The following BABAM2 variants were observed in gnomAD, a reference collection of about 807,000 sequenced individuals.
The protein encoded by BABAM2 is BRISC and BRCA1 A complex member 2.
BABAM2 carries 31 observed loss-of-function variants against 54.7 expected under a neutral mutation model. The observed-to-expected ratio is 0.57, with a 90% CI of 0.43 to 0.77. BABAM2 has a LOEUF of 0.77. BABAM2 is among the 30% of genes least tolerant of loss of function. The probability of loss-of-function intolerance (pLI) is 0.00; values close to 1 mark genes in which losing one functional copy is unlikely to be tolerated. For synonymous variants in BABAM2, 167 were observed against 162.9 expected (o/e 1.03, Z -0.19); for missense variants, 364 against 455.8 (o/e 0.80, Z 1.83).
At chr2:28,136,559 G>A (rs1265839401) in intron 7 of BABAM2, among the ~76,000 whole-genome samples, 4 of 152,228 alleles carry the variant, frequency 2.6e-5, no homozygotes, top group African/African-American at 9.6e-5. Context: ...GCTGTGCCTT[G>A]TGGCTAGCCA....
intron 11 of BABAM2, among the ~76,000 whole-genome samples, chr2:28,336,132 CAT>C (rs1027665973): frequency 6.6e-6 from 1 of 152,130 alleles, no homozygotes; most frequent in African/African-American, 2.4e-5. Flanking sequence ...TAGCTGCAAA[CAT>C]AGGCAAAGGA....
rs555496260 is a variant in BABAM2 at position 28,330,037 on chromosome 2, T to C, written c.1089-8413T>C. Among the ~76,000 whole-genome samples, 45 of 152,298 alleles carry C rather than the reference T, an allele frequency of 3.0e-4. 1 individual carries two copies. The highest frequency in any genetic ancestry group is 1.0e-3 in the African/African-American group (43 of 41,558). On this transcript the variant is annotated intron_variant, in intron 11 of 11. Transcript: ENST00000379624. ...GCAAGGCTGGTTCAACATATGCAAA[T>C]CAGTAAATGTAATTCATCACATAAA... is the stretch of plus-strand genomic sequence containing the variant.
chr2:28,011,980 G>A (rs1305674399), intron 4 of BABAM2, among the ~76,000 whole-genome samples: 1 of 152,144 alleles, frequency 6.6e-6, no homozygotes, highest in African/African-American at 2.4e-5. Flanking sequence ...ACGGAATTGG[G>A]ATTCTTAACT....
intron 10 of BABAM2, among the ~76,000 whole-genome samples, chr2:28,289,996 T>C (rs1687157644): frequency 6.6e-6 from 1 of 152,192 alleles, no homozygotes; most frequent in South Asian, 2.1e-4. Flanking sequence ...ATATCTTTCC[T>C]ATGCATGTTT....
intron 10 of BABAM2, among the ~76,000 whole-genome samples, chr2:28,278,146 C>G (rs531108316): frequency 6.6e-6 from 1 of 152,264 alleles, no homozygotes; most frequent in South Asian, 2.1e-4. Flanking sequence ...AAGAAATGCA[C>G]CTAGTTATAA....
chr2:28,263,033 C>T (rs72784775), intron 10 of BABAM2, among the ~76,000 whole-genome samples: 19,385 of 151,344 alleles, frequency 0.13, 1,486 homozygotes, highest in African/African-American at 0.21. Flanking sequence ...AAACTTGAAC[C>T]CTTGCCTTCC....
chr2:28,293,360 A>G (rs1477548691), intron 10 of BABAM2, among the ~76,000 whole-genome samples: 1 of 152,188 alleles, frequency 6.6e-6, no homozygotes, highest in East Asian at 1.9e-4. Flanking sequence ...TCTTCTAGTG[A>G]AAAGATGAGC....
chr2:28,243,760 A>G (rs1682665856), intron 9 of BABAM2, among the ~76,000 whole-genome samples: 1 of 152,166 alleles, frequency 6.6e-6, no homozygotes, highest in African/African-American at 2.4e-5. Flanking sequence ...TGTCGACTTA[A>G]GATCTGAATG....
At chr2:28,101,184 A>G (rs1667050600) in intron 6 of BABAM2, among the ~76,000 whole-genome samples, 1 of 152,182 alleles carries the variant, frequency 6.6e-6, no homozygotes, top group Non-Finnish European at 1.5e-5. Flanking sequence ...TGACATAGCC[A>G]GTAAGCGATG....
intron 6 of BABAM2, among the ~76,000 whole-genome samples, chr2:28,082,189 T>G (rs916113601): frequency 1.3e-5 from 2 of 152,236 alleles, no homozygotes; most frequent in Non-Finnish European, 2.9e-5. Flanking sequence ...GCAATTCTTT[T>G]TCAGCGTGAT....
At chr2:28,332,213 C>T (rs936960858) in intron 11 of BABAM2, among the ~76,000 whole-genome samples, 4 of 152,140 alleles carry the variant, frequency 2.6e-5, no homozygotes, top group South Asian at 2.1e-4. Context: ...AATACGTAGG[C>T]GCTGGGTTGA....
intron 6 of BABAM2, among the ~76,000 whole-genome samples, chr2:28,071,436 A>AT (rs1664130732): frequency 6.6e-6 from 1 of 152,196 alleles, no homozygotes; most frequent in South Asian, 2.1e-4. Flanking sequence ...GAAAGGCTTA[A>AT]TTAGATCTGA....
chr2:28,305,343 T>C (rs1213605448), intron 11 of BABAM2, among the ~76,000 whole-genome samples: 1 of 152,232 alleles, frequency 6.6e-6, no homozygotes, highest in Non-Finnish European at 1.5e-5. Flanking sequence ...TGAATTACAT[T>C]ATTTAGTTTT....
At chr2:28,040,707 G>T (rs969890954) in intron 5 of BABAM2, among the ~76,000 whole-genome samples, 6 of 152,156 alleles carry the variant, frequency 3.9e-5, no homozygotes, top group African/African-American at 1.4e-4. Flanking sequence ...TGTATGATAG[G>T]CTTGAAAGTT....
At chr2:27,949,530 T>C (rs1214813160) in intron 3 of BABAM2, among the ~76,000 whole-genome samples, 2 of 146,660 alleles carry the variant, frequency 1.4e-5, no homozygotes, top group African/African-American at 2.5e-5. Flanking sequence ...TGAGATTCCG[T>C]CTCAAAAAAA....
chr2:28,160,788 G>A (rs1426454880), intron 7 of BABAM2, among the ~76,000 whole-genome samples: 1 of 149,512 alleles, frequency 6.7e-6, no homozygotes, highest in East Asian at 1.9e-4. Context: ...GAAATAGTGA[G>A]TGTGGGCAAA....
intron 2 of BABAM2, 153 bp downstream of exon 2, chr2:27,894,837 G>A: frequency 1.3e-6 from 1 of 786,646 alleles, no homozygotes; most frequent in Non-Finnish European, 1.9e-6. Context: ...GTTTTGTTCA[G>A]TTCTTGACAT....
In BABAM2 at chr2:28,056,458, C is replaced by A. The variant is rs542853815; in HGVS notation, c.570+10659C>A. 5.3e-5 allele frequency among the ~76,000 whole-genome samples: 8 copies of A among 152,048 alleles called. No homozygotes were observed. In the South Asian group the frequency reaches 1.7e-3, roughly 32 times the overall value. Reference sequence around the variant, plus strand: ...CTTTTGGCTTTCTTTTGTTGTTTTACAGTTTATTTAAAATTTTTTTTTATG... The same window carrying A: ...CTTTTGGCTTTCTTTTGTTGTTTTAAAGTTTATTTAAAATTTTTTTTTATG... On this transcript the variant is annotated intron_variant, in intron 6 of 11. Coordinates refer to ENST00000379624, the MANE Select transcript of BABAM2 (RefSeq NM_199191.3).
chr2:28,257,185 A>G (rs547195160), intron 10 of BABAM2, among the ~76,000 whole-genome samples: 29 of 152,226 alleles, frequency 1.9e-4, no homozygotes, highest in Admixed American at 1.8e-3. Flanking sequence ...CATAGAGTAC[A>G]TTTTCCCATC....
Sources: allele counts gnomAD v4.1 joint callset (sites outside exome capture counted in the v4.1 genomes callset), GRCh38; gene constraint gnomAD v4.1.1; transcripts MANE v1.5; gene names NCBI Gene and HGNC (gene_info 2026-07-23, HGNC 2026-07-21).